The following SLCO1A2 variants were observed in gnomAD, a reference collection of about 807,000 sequenced individuals.
SLCO1A2 encodes the protein OATP-1.
A neutral mutation model predicts 69.0 loss-of-function variants in SLCO1A2; 67 were observed. That is an observed-to-expected ratio of 0.97 (90% CI 0.80 to 1.19). The LOEUF (loss-of-function observed/expected upper bound fraction) is 1.19. SLCO1A2 is among the 50% of genes most tolerant of loss of function. The pLI is 0.00. For synonymous variants in SLCO1A2, 260 were observed against 265.9 expected, an observed-to-expected ratio of 0.98 and a Z score of 0.22; for missense variants, 787 against 793.7, an observed-to-expected ratio of 0.99 and a Z score of 0.10.
At chr12:21,389,252 CTA>C (rs1941039056) in intron 1 of SLCO1A2, among the ~76,000 whole-genome samples, 1 of 152,128 alleles carries the variant, frequency 6.6e-6, no homozygotes, top group South Asian at 2.1e-4. Flanking sequence ...GTACATTGTA[CTA>C]TATGTTTGTA....
upstream of SLCO1A2, among the ~76,000 whole-genome samples, chr12:21,338,018 G>C (rs1952946956): frequency 6.6e-6 from 1 of 151,930 alleles, no homozygotes; most frequent in East Asian, 1.9e-4. Flanking sequence ...TATCACTTTA[G>C]ATAATGTACT....
intron 1 of SLCO1A2, among the ~76,000 whole-genome samples, chr12:21,394,569 ACAC>A (rs1941332337): frequency 6.6e-6 from 1 of 151,730 alleles, no homozygotes; most frequent in African/African-American, 2.4e-5. Context: ...ACACACACAC[ACAC>A]ACACACACAA....
chr12:21,394,288 T>G (rs1161562338), intron 1 of SLCO1A2, among the ~76,000 whole-genome samples: 1 of 152,084 alleles, frequency 6.6e-6, no homozygotes, highest in Non-Finnish European at 1.5e-5. Flanking sequence ...TCCCAGCACT[T>G]TGGTAGGCCA....
upstream of SLCO1A2, among the ~76,000 whole-genome samples, chr12:21,337,151 A>T (rs1952918244): frequency 6.6e-6 from 1 of 152,020 alleles, no homozygotes. Context: ...CTATATACAC[A>T]TTGTTATGTA....
rs995099853 is a variant in SLCO1A2, at chr12:21,266,403, C to A, written c.*3145G>T. On this transcript the variant is annotated 3_prime_UTR_variant, in exon 15 of 15. Coordinates refer to ENST00000683939, the MANE Select transcript of SLCO1A2 (RefSeq NM_001386879.1). ...CTGATTAAAAGGCTTTTCTAATATA[C>A]CAGAAAGACTAAGGGTCTTTACCAC... 6.6e-6 allele frequency: 1 copy of A among 152,094 alleles called. No homozygotes were observed. The highest frequency in any genetic ancestry group is 2.4e-5 in the African/African-American group (1 of 41,418). The allele number at this position is 152,094 out of a possible 1,614,324, so 9.4% of individuals were successfully genotyped here. A position where few individuals can be genotyped will look rare whatever the true frequency, so the allele number is the denominator to read the frequency against.
chr12:21,274,366 A>G lies in SLCO1A2; in HGVS notation c.1793+103T>C, dbSNP rs983154369. ...GTATCTCTGCTGGAAATAACCACAA[A>G]AGTATTCTTTTCACTTGACAAAGAA... On this transcript the variant is annotated intron_variant, in intron 14 of 14. Coordinates refer to ENST00000683939, the MANE Select transcript of SLCO1A2 (RefSeq NM_001386879.1). 2.2e-5 allele frequency: 15 copies of G among 677,500 alleles called. No homozygotes were observed. In the African/African-American group the frequency reaches 2.7e-4, roughly 12 times the overall value. 42.0% of individuals were successfully genotyped at this position (677,500 alleles called of 1,614,324 possible).
intron 3 of SLCO1A2, among the ~76,000 whole-genome samples, chr12:21,317,265 T>A (rs939900006): frequency 1.3e-5 from 2 of 152,184 alleles, no homozygotes; most frequent in African/African-American, 4.8e-5. Context: ...TTCTCACCCC[T>A]GCCCATTTCT....
At chr12:21,341,116 G>C (rs1215409195) in intron 2 of SLCO1A2, among the ~76,000 whole-genome samples, 1 of 151,906 alleles carries the variant, frequency 6.6e-6, no homozygotes, top group Non-Finnish European at 1.5e-5. Context: ...CTTGTACAAA[G>C]TCACACACCT....
chr12:21,370,608 T>C (rs531035805), intron 2 of SLCO1A2, among the ~76,000 whole-genome samples: 215 of 151,752 alleles, frequency 1.4e-3, no homozygotes, highest in Non-Finnish European at 2.8e-3. Flanking sequence ...CTTATAACAT[T>C]AGGGTAAGAG....
chr12:21,283,835 G>C (rs528218610), intron 12 of SLCO1A2, among the ~76,000 whole-genome samples: 3 of 152,238 alleles, frequency 2.0e-5, no homozygotes, highest in Admixed American at 6.5e-5. Context: ...GATCAAGAGA[G>C]GAATGCAAAT....
At chr12:21,404,344 G>C (rs960975944) in intron 1 of SLCO1A2, among the ~76,000 whole-genome samples, 1 of 152,090 alleles carries the variant, frequency 6.6e-6, no homozygotes, top group East Asian at 1.9e-4. Context: ...CGTCACCTAG[G>C]TATTAAGCCC....
chr12:21,318,070 A>T (rs73237221), intron 3 of SLCO1A2, among the ~76,000 whole-genome samples: 1,950 of 152,104 alleles, frequency 0.013, 38 homozygotes, highest in African/African-American at 0.044. Context: ...TTCATTTGTA[A>T]GGCAATTTCC....
chr12:21,418,583 G>A (rs1942025930), upstream of SLCO1A2, among the ~76,000 whole-genome samples: 2 of 152,106 alleles, frequency 1.3e-5, no homozygotes, highest in Admixed American at 6.6e-5. Flanking sequence ...AAGTGAAAGG[G>A]AAAACCCCTT....
chr12:21,328,092 T>C (rs1952374431), intron 2 of SLCO1A2, among the ~76,000 whole-genome samples: 1 of 152,184 alleles, frequency 6.6e-6, no homozygotes, highest in Non-Finnish European at 1.5e-5. Flanking sequence ...CCCCTGCACA[T>C]GCTCTCTTGC....
intron 2 of SLCO1A2, chr12:21,374,356 C>T (rs1038519247): frequency 3.9e-5 from 6 of 152,146 alleles, no homozygotes; most frequent in Admixed American, 1.3e-4. Context: ...TCTTATGGGA[C>T]TGAACTTACA....
chr12:21,282,670 T>G (rs1291447394), intron 12 of SLCO1A2, among the ~76,000 whole-genome samples: 1 of 152,098 alleles, frequency 6.6e-6, no homozygotes, highest in East Asian at 1.9e-4. Flanking sequence ...ATAGATGATA[T>G]GATCTTCTAT....
chr12:21,323,383 C>A (rs1280461944), intron 2 of SLCO1A2, among the ~76,000 whole-genome samples: 2 of 152,014 alleles, frequency 1.3e-5, no homozygotes, highest in African/African-American at 4.8e-5. Flanking sequence ...ATGGCAAAAC[C>A]CTGTCTCTAA....
rs144941868 is a variant in SLCO1A2, at chr12:21,340,546, G to A, written c.-62-5837C>T. ...GCATATATTTAGCTCCATTAGCACA[G>A]CACGCCTTTCCTCTCCATACCCCAG... is the stretch of plus-strand genomic sequence containing the variant. On this transcript the variant is annotated intron_variant, in intron 2 of 15. Coordinates refer to the SLCO1A2 transcript ENST00000307378. Among the ~76,000 whole-genome samples the A allele has an allele frequency of 2.9e-3, 435 of 152,126 alleles. 1 individual carries two copies. The highest frequency in any genetic ancestry group is 4.1e-3 in the Non-Finnish European group (277 of 67,940).
At position 21,292,275 on chromosome 12, in the gene SLCO1A2, C is replaced by G; in HGVS notation, c.1499G>C (p.Cys500Ser). The change falls in exon 12 of 15, where the codon TGC (cysteine) becomes TCC (serine). Residue 500 changes from cysteine to serine, a missense_variant. Cys to Ser is a moderately radical substitution (Grantham distance 112). Coordinates refer to ENST00000683939, the MANE Select transcript of SLCO1A2 (RefSeq NM_001386879.1). ...SGNSSAVLGL[C>S]DKGPDCSLML... ...CAAGGAACAGTCAGGTCCTTTGTCG[C>G]ACAGCCCAAGAACTGCAGATGAATT... 2.9e-5 allele frequency: 47 copies of G among 1,612,986 alleles called. No individual in the cohort carries two copies. The highest frequency in any genetic ancestry group is 3.9e-5 in the Non-Finnish European group (46 of 1,179,198).
Sources: gnomAD v4.1 joint callset for allele counts (sites outside exome capture counted in the v4.1 genomes callset) on GRCh38, gnomAD v4.1.1 for gene constraint, MANE v1.5 for transcripts, NCBI Gene and HGNC (gene_info 2026-07-23, HGNC 2026-07-21) for gene names.